DHRSX: variants seen among roughly 807,000 people sequenced by gnomAD.
DHRSX encodes dehydrogenase/reductase X-linked, also known as polyprenol dehydrogenase.
Under a neutral mutation model 34.0 loss-of-function variants are expected in DHRSX, and 31 were observed. The ratio of observed to expected loss-of-function variants is 0.91; its 90% CI spans 0.69 to 1.23. DHRSX has a LOEUF of 1.23. Among genes scored for constraint, DHRSX ranks in the 50% most tolerant of loss-of-function variants. The pLI, the probability that DHRSX is intolerant of heterozygous loss-of-function variation, is 0.00. For synonymous variants in DHRSX, 201 were observed against 183.8 expected, an observed-to-expected ratio of 1.09 and a Z score of -0.76; for missense variants, 414 against 428.1, an observed-to-expected ratio of 0.97 and a Z score of 0.29.
chrX:2,498,751 C>T (rs4892935), intron 1 of DHRSX, among the ~76,000 whole-genome samples: 30,951 of 152,018 alleles, frequency 0.2, 3,390 homozygotes, highest in South Asian at 0.33. Context: ...CACACAGGCC[C>T]TTAAGGAGGT....
chrX:2,338,052 G>C (rs1456295807), intron 3 of DHRSX: 1 of 148,982 alleles, frequency 6.7e-6, no homozygotes, highest in Admixed American at 6.7e-5. Flanking sequence ...ACAATCCCAG[G>C]CCAGGCATGG....
chrX:2,315,150 C>T (rs1602929038), intron 3 of DHRSX, among the ~76,000 whole-genome samples: 2 of 146,744 alleles, frequency 1.4e-5, no homozygotes, highest in South Asian at 4.3e-4. Context: ...AAGAGTGAAA[C>T]TCCGTTTCAA....
chrX:2,286,064 G>C (rs931491626), intron 4 of DHRSX, among the ~76,000 whole-genome samples: 1 of 152,146 alleles, frequency 6.6e-6, no homozygotes, highest in African/African-American at 2.4e-5. Flanking sequence ...CAGCACAAGA[G>C]CTGGTGATGA....
At chrX:2,309,108 C>T (rs1305178723) in intron 3 of DHRSX, among the ~76,000 whole-genome samples, 1 of 151,766 alleles carries the variant, frequency 6.6e-6, no homozygotes, top group Non-Finnish European at 1.5e-5. Context: ...CTAATTATCC[C>T]AATTCAATCA....
intron 5 of DHRSX, among the ~76,000 whole-genome samples, chrX:2,259,205 A>C (rs2041320915): frequency 6.6e-6 from 1 of 151,620 alleles, no homozygotes; most frequent in African/African-American, 2.4e-5. Context: ...CCCAGGAGGT[A>C]GAGGTTGCAG....
At position 2,363,076 on chromosome X, in the gene DHRSX, C is replaced by T. The variant is rs1215705931; in HGVS notation, c.286+45669G>A. Among the ~76,000 whole-genome samples, 46 of 140,880 alleles carry T rather than the reference C, an allele frequency of 3.3e-4. 1 individual carries two copies. Among genetic ancestry groups the T allele is most frequent in the African/African-American group, 1.1e-3 (42 of 37,552 alleles). The allele number at this position is 140,880 out of a possible 152,430, so 92.4% of individuals were successfully genotyped here. ...TTTATCACCGTTCTATGGTATCATG[C>T]CATTTTATCACCGTTCTATGGTATC... On this transcript the variant is annotated intron_variant, in intron 3 of 6. Coordinates refer to ENST00000334651, the MANE Select transcript of DHRSX (RefSeq NM_145177.3).
chrX:2,373,697 G>A (rs1266382351), intron 3 of DHRSX, among the ~76,000 whole-genome samples: 1 of 152,192 alleles, frequency 6.6e-6, no homozygotes, highest in African/African-American at 2.4e-5. Flanking sequence ...CTGCCAACGT[G>A]TGATACTTCA....
intron 3 of DHRSX, among the ~76,000 whole-genome samples, chrX:2,298,364 T>C (rs1159175384): frequency 6.9e-6 from 1 of 144,708 alleles, no homozygotes; most frequent in Non-Finnish European, 1.5e-5. Context: ...CAAAAATGTA[T>C]ACAGCTGAAG....
intron 3 of DHRSX, among the ~76,000 whole-genome samples, chrX:2,294,618 TCGCGC>T (rs2041907618): frequency 6.9e-6 from 1 of 145,616 alleles, no homozygotes; most frequent in South Asian, 2.2e-4. Context: ...TAAGCCGAGG[TCGCGC>T]CACTGCACTC....
intron 6 of DHRSX, among the ~76,000 whole-genome samples, chrX:2,238,639 A>C (rs1437639777): frequency 6.7e-6 from 1 of 149,596 alleles, no homozygotes; most frequent in Non-Finnish European, 1.5e-5. Context: ...GCTGGAGTGC[A>C]ATGGCGCCAT....
At position 2,363,343 on chromosome X, in the gene DHRSX, T is replaced by C. The variant is rs758659762; in HGVS notation, c.286+45402A>G. ...TCATGCCTCCATTTTATCACTGTTC[T>C]ATATCATGCCTCCATTTTATCACTG... On this transcript the variant is annotated intron_variant, in intron 3 of 6. Coordinates refer to ENST00000334651, the MANE Select transcript of DHRSX (RefSeq NM_145177.3). Among the ~76,000 whole-genome samples, 2 of 147,480 alleles carry C rather than the reference T, an allele frequency of 1.4e-5. 1 individual carries two copies. Among genetic ancestry groups the C allele is most frequent in the South Asian group, 4.5e-4 (2 of 4,416 alleles).
intron 6 of DHRSX, among the ~76,000 whole-genome samples, chrX:2,225,474 GCA>G (rs1220426346): frequency 6.6e-6 from 1 of 152,148 alleles, no homozygotes; most frequent in Non-Finnish European, 1.5e-5. Context: ...TCATTTGCAT[GCA>G]CACACTCATA....
At chrX:2,383,440 A>G (rs768399558) in intron 3 of DHRSX, among the ~76,000 whole-genome samples, 2 of 151,846 alleles carry the variant, frequency 1.3e-5, no homozygotes, top group Admixed American at 6.6e-5. Flanking sequence ...AGTCATTACT[A>G]TATCACCATC....
intron 1 of DHRSX, among the ~76,000 whole-genome samples, chrX:2,484,891 C>G (rs1467110195): frequency 2.6e-5 from 4 of 152,268 alleles, no homozygotes; most frequent in Middle Eastern, 6.8e-3. Flanking sequence ...AACGTCACCA[C>G]CGAGATTTCG....
chrX:2,420,457 G>T (rs1430933211), intron 2 of DHRSX, among the ~76,000 whole-genome samples: 1 of 149,752 alleles, frequency 6.7e-6, no homozygotes, highest in Non-Finnish European at 1.5e-5. Context: ...AAAATAAAGA[G>T]AATGGGGCCG....
At chrX:2,488,485 T>G in intron 1 of DHRSX, 1 of 1,099,664 alleles carries the variant, frequency 9.1e-7, no homozygotes, top group Admixed American at 3.1e-5. Flanking sequence ...CTCTCTCACT[T>G]CTCAAATCTC....
At chrX:2,461,288 A>G (rs2044398695) in intron 1 of DHRSX, among the ~76,000 whole-genome samples, 2 of 152,256 alleles carry the variant, frequency 1.3e-5, no homozygotes, top group South Asian at 4.1e-4. Context: ...CGCACAAGCT[A>G]AAAGCCAGTT....
chrX:2,454,000 T>A (rs1436505511), intron 1 of DHRSX, among the ~76,000 whole-genome samples: 2 of 152,198 alleles, frequency 1.3e-5, no homozygotes, highest in African/African-American at 4.8e-5. Context: ...TGTACTTGGA[T>A]TAAAACATTA....
intron 1 of DHRSX, among the ~76,000 whole-genome samples, chrX:2,453,714 A>G (rs1224381424): frequency 6.6e-6 from 1 of 151,076 alleles, no homozygotes; most frequent in Non-Finnish European, 1.5e-5. Context: ...CAGTTAGATA[A>G]AACAAATAAA....
Sources: allele counts gnomAD v4.1 joint callset (sites outside exome capture counted in the v4.1 genomes callset), GRCh38; gene constraint gnomAD v4.1.1; transcripts MANE v1.5; gene names NCBI Gene and HGNC (gene_info 2026-07-23, HGNC 2026-07-21).